BRD4: variants seen among roughly 807,000 people sequenced by gnomAD.
BRD4 encodes bromodomain containing 4, also known as bromodomain-containing protein 4.
BRD4 carries 16 observed loss-of-function variants against 142.1 expected under a neutral mutation model. That is an observed-to-expected ratio of 0.11 (90% CI 0.08 to 0.17). The LOEUF (loss-of-function observed/expected upper bound fraction) is 0.17. Among genes scored for constraint, BRD4 ranks in the 10% least tolerant of loss-of-function variants. BRD4 has a pLI of 1.00. For missense variants in BRD4, 1,424 were observed against 1,810.9 expected (o/e 0.79, Z 3.88); for synonymous variants, 833 against 707.5 (o/e 1.18, Z -2.82).
Position 15,243,139 on chromosome 19 carries a change from G to T in BRD4, c.2930C>A (p.Pro977His). The T allele has an allele frequency of 8.2e-7, 1 of 1,215,018 alleles. No individual in the cohort carries two copies. Among genetic ancestry groups the T allele is most frequent in the Non-Finnish European group, 1.1e-6 (1 of 896,698 alleles). 75.3% of individuals were successfully genotyped at this position (1,215,018 alleles called of 1,614,324 possible). Residue 977 changes from proline (P) to histidine (H), a missense_variant, in exon 14 of 20, where the codon CCC becomes CAC. Pro to His is a moderately conservative substitution (Grantham distance 77). Transcript: ENST00000679869. The part of the protein sequence containing the change: ...QQQLQQQPPP[P>H]PPPQPQPPPQ... ...TGGAGGCTGGGGCTGGGGTGGTGGGGGTGGTGGCGGCTGCTGCTGCAGCTG... is the reference window on the plus strand; with the variant it reads ...TGGAGGCTGGGGCTGGGGTGGTGGGTGTGGTGGCGGCTGCTGCTGCAGCTG...
At position 15,239,708 on chromosome 19, in the gene BRD4, C is replaced by A. The variant is rs1428391976; in HGVS notation, c.3396G>T (p.Glu1132Asp). Residue 1132 changes from glutamate to aspartate, a missense_variant, in exon 16 of 20, where the codon GAG (glutamate) becomes GAT (aspartate). By Grantham distance (45) the Glu-to-Asp change is conservative. Coordinates refer to ENST00000679869, the MANE Select transcript of BRD4 (RefSeq NM_001379291.1). This position sits in a 1 kb window ranked among gnomAD's most constrained non-coding sequence, Gnocchi z 7.4. The stretch of plus-strand genomic sequence containing the variant: ...TGATGCTCTCCGGGTGCTTGGGGGG[C>A]TCCGGCCGCAGCGAGGGGCTGAAGG... ...SEPFSPSLRP[E>D]PPKHPESIKA... The A allele has an allele frequency of 1.3e-6, 2 of 1,596,860 alleles. No homozygotes were observed. The highest frequency in any genetic ancestry group is 4.5e-5 in the East Asian group (2 of 44,816).
chr19:15,255,223 A>G (rs1042781527), intron 10 of BRD4, 74 bp downstream of exon 10: 12 of 1,402,866 alleles, frequency 8.6e-6, no homozygotes, highest in Non-Finnish European at 1.2e-5. Flanking sequence ...GAAAGAGTGG[A>G]CTGAGCAAGG....
intron 4 of BRD4, among the ~76,000 whole-genome samples, chr19:15,266,376 A>T (rs2047534723): frequency 6.6e-6 from 1 of 152,132 alleles, no homozygotes; most frequent in South Asian, 2.1e-4. Context: ...CTCAAGCAGC[A>T]CCCATGTTCC....
Position 15,236,219 on chromosome 19 carries a change from T to A in BRD4, c.*2158A>T, listed in dbSNP as rs904959433. On this transcript the variant is annotated 3_prime_UTR_variant, in exon 20 of 20. Transcript: ENST00000679869. ...CAATCAGTTTGTCTCTGCATACATA[T>A]AAATTATATACTTGTATCTTACATC... The A allele has an allele frequency of 6.6e-6, 1 of 152,184 alleles. No individual in the cohort carries two copies. The highest frequency in any genetic ancestry group is 2.4e-5 in the African/African-American group (1 of 41,438). The allele number at this position is 152,184 out of a possible 1,614,324, so 9.4% of individuals were successfully genotyped here.
At chr19:15,269,573 C>T (rs779911356) in intron 2 of BRD4, among the ~76,000 whole-genome samples, 11 of 152,176 alleles carry the variant, frequency 7.2e-5, no homozygotes, top group Non-Finnish European at 1.6e-4. Context: ...TAAGTTTCCA[C>T]CCCTAGTCAA....
At chr19:15,315,072 T>C (rs1048526783) in intron 1 of BRD4, among the ~76,000 whole-genome samples, 13 of 152,152 alleles carry the variant, frequency 8.5e-5, no homozygotes, top group African/African-American at 2.7e-4. Context: ...TCTATTTTGA[T>C]TGTGTACTTT....
At chr19:15,300,406 A>G (rs1218990462) in intron 1 of BRD4, among the ~76,000 whole-genome samples, 1 of 150,966 alleles carries the variant, frequency 6.6e-6, no homozygotes, top group East Asian at 2.0e-4. Context: ...AAAAATACAA[A>G]AAGCCAGGTG....
chr19:15,324,214 G>A (rs2048088990), intron 1 of BRD4, among the ~76,000 whole-genome samples: 1 of 152,122 alleles, frequency 6.6e-6, no homozygotes, highest in Non-Finnish European at 1.5e-5. Flanking sequence ...GGGGAGGGGG[G>A]AAGGGGAAGG....
chr19:15,238,364 C>T lies in BRD4; in HGVS notation c.*13G>A, dbSNP rs758318108. 1.2e-6 allele frequency: 2 copies of T among 1,613,912 alleles called. No individual in the cohort carries two copies. Among genetic ancestry groups the T allele is most frequent in the East Asian group, 2.2e-5 (1 of 44,878 alleles). ...TTGCCAGAAAATCAAAGTCAGAAGCCACCTAGGTGCGCTCAGAAAAGATTT... is the reference window on the plus strand; with the variant it reads ...TTGCCAGAAAATCAAAGTCAGAAGCTACCTAGGTGCGCTCAGAAAAGATTT... On this transcript the variant is annotated 3_prime_UTR_variant, in exon 20 of 20. Coordinates refer to ENST00000679869, the MANE Select transcript of BRD4 (RefSeq NM_001379291.1). The surrounding 1 kb of genome is among the most constrained non-coding windows in gnomAD (Gnocchi z 7.2).
At chr19:15,306,457 G>T (rs1358356789) in intron 1 of BRD4, among the ~76,000 whole-genome samples, 1 of 151,872 alleles carries the variant, frequency 6.6e-6, no homozygotes, top group East Asian at 1.9e-4. Flanking sequence ...TTTTTATGAA[G>T]ACGAGGCCTC....
chr19:15,252,776 G>A (rs1189256638), intron 11 of BRD4, among the ~76,000 whole-genome samples: 1 of 152,198 alleles, frequency 6.6e-6, no homozygotes, highest in Non-Finnish European at 1.5e-5. Flanking sequence ...GAGTCCTGGA[G>A]GGTCCTTCAG....
chr19:15,257,156 G>A lies in BRD4; in HGVS notation c.1359C>T (p.Arg453=), dbSNP rs200881826. Residue 453 remains arginine, a synonymous_variant, in exon 8 of 20, where the codon CGC becomes CGT. Coordinates refer to ENST00000679869, the MANE Select transcript of BRD4 (RefSeq NM_001379291.1). ...ARKLQDVFEM[R]FAKMPDEPEE... Reference sequence around the variant, plus strand: ...CAGGCTCGTCCGGCATCTTGGCAAAGCGCATTTCGAACACATCCTGGTGAG... The same window carrying A: ...CAGGCTCGTCCGGCATCTTGGCAAAACGCATTTCGAACACATCCTGGTGAG... 8.1e-6 allele frequency: 13 copies of A among 1,607,586 alleles called. No homozygotes were observed. Among genetic ancestry groups the A allele is most frequent in the East Asian group, 2.2e-5 (1 of 44,772 alleles).
At chr19:15,291,810 A>G (rs1350671881) in intron 1 of BRD4, among the ~76,000 whole-genome samples, 5 of 152,260 alleles carry the variant, frequency 3.3e-5, no homozygotes, top group African/African-American at 9.6e-5. Flanking sequence ...AGAGCAGCTC[A>G]TTAAGCAATC....
Position 15,263,504 on chromosome 19 carries a change from A to G in BRD4, c.1257T>C (p.Gly419=). The change falls in exon 7 of 20, where the codon GGT becomes GGC. Residue 419 remains glycine, a synonymous_variant. Transcript: ENST00000679869. ...TGGAGAACATCAATCGGACGTCAGC[A>G]CCAAACTCCTGAGCATCACGGTACT... ...AREYRDAQEF[G]ADVRLMFSNC... is the part of the protein sequence containing the mutation. 6.2e-7 allele frequency: 1 copy of G among 1,614,216 alleles called. No homozygotes were observed. Among genetic ancestry groups the G allele is most frequent in the East Asian group, 2.2e-5 (1 of 44,876 alleles).
intron 1 of BRD4, among the ~76,000 whole-genome samples, chr19:15,285,175 T>C (rs1465182272): frequency 1.3e-5 from 2 of 152,176 alleles, no homozygotes; most frequent in African/African-American, 4.8e-5. Context: ...GGCCAGCTTG[T>C]CCTCTGAGTC....
intron 1 of BRD4, among the ~76,000 whole-genome samples, chr19:15,321,949 C>T (rs2048065006): frequency 6.6e-6 from 1 of 152,088 alleles, no homozygotes; most frequent in South Asian, 2.1e-4. Context: ...CTTTCACCTG[C>T]TACTAGAAAG....
chr19:15,294,820 G>A (rs2047810389), intron 1 of BRD4, among the ~76,000 whole-genome samples: 1 of 152,162 alleles, frequency 6.6e-6, no homozygotes, highest in South Asian at 2.1e-4. Context: ...GCCAGTGAGG[G>A]GCATCTGGAG....
chr19:15,272,731 T>C (rs2145623801), intron 2 of BRD4, 84 bp downstream of exon 2: 4 of 1,330,128 alleles, frequency 3.0e-6, no homozygotes, highest in Non-Finnish European at 4.1e-6. Flanking sequence ...TCTCCTACCC[T>C]CCCCCCAGGA....
chr19:15,255,199 AGG>A, intron 10 of BRD4, 96 bp downstream of exon 10: 3 of 1,069,014 alleles, frequency 2.8e-6, no homozygotes, highest in Non-Finnish European at 2.6e-6. Flanking sequence ...GAAAAAAAAA[AGG>A]GGGGGGGCGC....
Sources: gnomAD v4.1 joint callset for allele counts (sites outside exome capture counted in the v4.1 genomes callset) on GRCh38, gnomAD v4.1.1 for gene constraint, Gnocchi (gnomAD v3.1) non-coding constraint, MANE v1.5 for transcripts, NCBI Gene and HGNC (gene_info 2026-07-23, HGNC 2026-07-21) for gene names.